Variants in KIAA1191 observed in about 807,000 individuals in gnomAD.
KIAA1191 encodes KIAA1191.
KIAA1191 carries 22 observed loss-of-function variants against 31.1 expected under a neutral mutation model. The observed-to-expected ratio is 0.71, with a 90% CI of 0.51 to 1.01. The LOEUF (loss-of-function observed/expected upper bound fraction) is 1.01, where lower values mean the gene tolerates loss of function less well. Among genes scored for constraint, KIAA1191 ranks in the 50% least tolerant of loss-of-function variants. The pLI is 0.00. For synonymous variants in KIAA1191, 130 were observed against 143.9 expected (o/e 0.90, Z 0.69); for missense variants, 319 against 388.0 (o/e 0.82, Z 1.49).
Position 176,347,285 on chromosome 5 carries a change from TCTG to T in KIAA1191, c.*312_*314del, listed in dbSNP as rs1377374758. 5.6e-6 allele frequency: 1 copy of T among 177,524 alleles called. No individual in the cohort carries two copies. The highest frequency in any genetic ancestry group is 2.4e-5 in the African/African-American group (1 of 42,508). 11.0% of individuals were successfully genotyped at this position (177,524 alleles called of 1,614,324 possible). A position where few individuals can be genotyped will look rare whatever the true frequency, so the allele number is the denominator to read the frequency against. ...GGCATGATCTCAGCTCGGTACAACA[TCTG>T]CTTCCTGGGTTCAGGCGATTCTCCT... On this transcript the variant is annotated 3_prime_UTR_variant, in exon 9 of 9. Transcript: ENST00000298569.
rs1458765336 is a variant in KIAA1191 at position 176,355,839 on chromosome 5, A to G, written c.29-90T>C. On this transcript the variant is annotated intron_variant, in intron 3 of 8. Coordinates refer to ENST00000298569, the MANE Select transcript of KIAA1191 (RefSeq NM_020444.5). This position sits in a 1 kb window ranked among gnomAD's most constrained non-coding sequence, Gnocchi z 4.2. ...TCTACAGGAAGGAAAGCTCTGAAATACTCTTGTTCTTGAACAGAGCAAAAT... is the reference window on the plus strand; with the variant it reads ...TCTACAGGAAGGAAAGCTCTGAAATGCTCTTGTTCTTGAACAGAGCAAAAT... 1 of 1,327,796 alleles carries G rather than the reference A, an allele frequency of 7.5e-7. No individual in the cohort carries two copies. Among genetic ancestry groups the G allele is most frequent in the Non-Finnish European group, 1.1e-6 (1 of 930,556 alleles). The allele number at this position is 1,327,796 out of a possible 1,614,324, so 82.3% of individuals were successfully genotyped here. A position where few individuals can be genotyped will look rare whatever the true frequency, so the allele number is the denominator to read the frequency against.
chr5:176,354,714 T>C (rs906766796), intron 4 of KIAA1191, among the ~76,000 whole-genome samples: 6 of 152,106 alleles, frequency 3.9e-5, no homozygotes, highest in African/African-American at 1.2e-4. Flanking sequence ...TGAGCAGTTT[T>C]TGGGAATCTA....
At chr5:176,360,250 G>A (rs1485732015) in intron 1 of KIAA1191, among the ~76,000 whole-genome samples, 1 of 146,014 alleles carries the variant, frequency 6.8e-6, no homozygotes, top group Non-Finnish European at 1.5e-5. Context: ...TCCACCTCCC[G>A]GGTTCACGCC....
intron 5 of KIAA1191, among the ~76,000 whole-genome samples, chr5:176,351,144 C>T (rs1017845481): frequency 6.6e-6 from 1 of 151,886 alleles, no homozygotes; most frequent in Non-Finnish European, 1.5e-5. Flanking sequence ...ACATCCAGAC[C>T]ATCCTGGCTA....
chr5:176,358,128 C>T (rs1469485351), intron 3 of KIAA1191, among the ~76,000 whole-genome samples: 1 of 152,140 alleles, frequency 6.6e-6, no homozygotes, highest in East Asian at 1.9e-4. Context: ...TGTCAATAAC[C>T]CAGAACTTGA....
rs769162113 is a variant in KIAA1191 at position 176,359,484 on chromosome 5, G to A, written c.25C>T (p.Pro9Ser). 49 of 1,613,520 alleles carry A rather than the reference G, an allele frequency of 3.0e-5. No homozygotes were observed. Among genetic ancestry groups the A allele is most frequent in the Non-Finnish European group, 4.0e-5 (47 of 1,179,702 alleles). The change falls in exon 3 of 9, where the codon CCT (proline) becomes TCT (serine). Residue 9 changes from proline to serine, a missense_variant. Transcript: ENST00000298569. ...TACCAAAAAGAATTAAGTTTACCAG[G>A]CACTTCTGGTTGTCTTGAAGCCATT... MASRQPEV[P>S]ALEASAPLGK...
chr5:176,357,757 A>T (rs1581375822), intron 3 of KIAA1191, among the ~76,000 whole-genome samples: 1 of 152,312 alleles, frequency 6.6e-6, no homozygotes, highest in East Asian at 1.9e-4. Context: ...GGAGCTGATG[A>T]TGTTAAGACT....
intron 4 of KIAA1191, 120 bp from the exon 5 acceptor site, chr5:176,352,868 A>G (rs2113481877): frequency 2.6e-6 from 3 of 1,145,226 alleles, no homozygotes; most frequent in Non-Finnish European, 3.6e-6. Context: ...TGAGGAAATC[A>G]TTGAAGGGAG....
intron 5 of KIAA1191, 89 bp downstream of exon 5, chr5:176,352,533 G>A (rs1767124232): frequency 1.4e-6 from 2 of 1,451,934 alleles, no homozygotes; most frequent in Admixed American, 3.8e-5. Context: ...AGGCGAGCGT[G>A]TTGCAGTATC....
At position 176,354,689 on chromosome 5, in the gene KIAA1191, T is replaced by TC. The variant is rs567951918; in HGVS notation, c.207+881dup. ...GTGTTCAAGAAAGGGCCAATTTTTT[T>TC]CCCCAATCACAAAATGAGCAGTTTT... On this transcript the variant is annotated intron_variant, in intron 4 of 8. Transcript: ENST00000298569. 8.5e-5 allele frequency: 13 copies of TC among 152,244 alleles called. No homozygotes were observed. In the East Asian group the frequency reaches 2.5e-3, roughly 29 times the overall value. The allele number at this position is 152,244 out of a possible 1,614,324, so 9.4% of individuals were successfully genotyped here. A position where few individuals can be genotyped will look rare whatever the true frequency, so the allele number is the denominator to read the frequency against.
At chr5:176,351,429 AAAG>A (rs925981831) in intron 5 of KIAA1191, among the ~76,000 whole-genome samples, 2 of 152,026 alleles carry the variant, frequency 1.3e-5, no homozygotes, top group East Asian at 3.9e-4. Context: ...TTGTAAAATA[AAAG>A]TAGTGTTGCT....
Position 176,348,236 on chromosome 5 carries a change from C to T in KIAA1191, c.566+14G>A. The T allele has an allele frequency of 6.2e-7, 1 of 1,612,750 alleles. No individual in the cohort carries two copies. On this transcript the variant is annotated intron_variant, in intron 7 of 8. Transcript: ENST00000298569. The stretch of plus-strand genomic sequence containing the variant: ...AGCACGCAGGAACTCGGAAGGGTCA[C>T]AGGAAGGGCTCACCTGGGCCTCTGC...
intron 3 of KIAA1191, 62 bp downstream of exon 3, chr5:176,359,419 C>A: frequency 6.7e-7 from 1 of 1,491,264 alleles, no homozygotes; most frequent in South Asian, 1.1e-5. Flanking sequence ...AAAATGGTTT[C>A]TGTCTAGCTT....
intron 5 of KIAA1191, among the ~76,000 whole-genome samples, chr5:176,351,208 GCA>G (rs1766968082): frequency 6.6e-6 from 1 of 151,710 alleles, no homozygotes; most frequent in South Asian, 2.1e-4. Context: ...GGGTGTGGTG[GCA>G]GGCGCCTGTA....
At chr5:176,354,059 A>G (rs1330145071) in intron 4 of KIAA1191, 1 of 152,244 alleles carries the variant, frequency 6.6e-6, no homozygotes, top group African/African-American at 2.4e-5. Flanking sequence ...GGCGGGGGGA[A>G]AAACACTCCT....
chr5:176,350,017 A>G (rs1203141569), intron 6 of KIAA1191, among the ~76,000 whole-genome samples: 1 of 152,216 alleles, frequency 6.6e-6, no homozygotes, highest in Non-Finnish European at 1.5e-5. Context: ...GGGTTCGGGT[A>G]CTATGACTGG....
At chr5:176,357,162 G>C (rs1045042994) in intron 3 of KIAA1191, 1 of 152,112 alleles carries the variant, frequency 6.6e-6, no homozygotes, top group East Asian at 1.9e-4. Flanking sequence ...TTAGCCAGGC[G>C]TGGTGGTACG....
Position 176,352,705 on chromosome 5 carries a change from A to G in KIAA1191, c.251T>C (p.Leu84Pro). ...EASLPSPAMT[L>P]SSAIDSVDKV... Reference sequence around the variant, plus strand: ...GTCCACACTGTCAATGGCTGATGACAGGGTCATGGCAGGGGAGGGTAGACT... The same window carrying G: ...GTCCACACTGTCAATGGCTGATGACGGGGTCATGGCAGGGGAGGGTAGACT... The change falls in exon 5 of 9, where the codon CTG (leucine) becomes CCG (proline). Residue 84 changes from leucine to proline, a missense_variant. Coordinates refer to ENST00000298569, the MANE Select transcript of KIAA1191 (RefSeq NM_020444.5). The G allele has an allele frequency of 6.2e-7, 1 of 1,613,970 alleles. No homozygotes were observed. The highest frequency in any genetic ancestry group is 1.3e-5 in the African/African-American group (1 of 75,034).
chr5:176,359,620 C>G (rs1767818654), intron 2 of KIAA1191, 53 bp from the exon 3 acceptor site: 1 of 855,510 alleles, frequency 1.2e-6, no homozygotes, highest in South Asian at 1.3e-5. Flanking sequence ...CAATGCTGTT[C>G]TTCTGGCAGG....
Sources: gnomAD v4.1 joint callset for allele counts (sites outside exome capture counted in the v4.1 genomes callset) on GRCh38, gnomAD v4.1.1 for gene constraint, Gnocchi (gnomAD v3.1) non-coding constraint, MANE v1.5 for transcripts, NCBI Gene and HGNC (gene_info 2026-07-23, HGNC 2026-07-21) for gene names.